The following GPC5 variants were observed in gnomAD, a reference collection of about 807,000 sequenced individuals.
GPC5 encodes glypican-5.
Under a neutral mutation model 53.9 loss-of-function variants are expected in GPC5, and 47 were observed. That is an observed-to-expected ratio of 0.87 (90% CI 0.69 to 1.11). The LOEUF (loss-of-function observed/expected upper bound fraction) is 1.11. GPC5 is among the 50% of genes most tolerant of loss of function. GPC5 has a pLI of 0.00. For missense variants in GPC5, 748 were observed against 713.1 expected, an observed-to-expected ratio of 1.05 and a Z score of -0.56; for synonymous variants, 286 against 263.3, an observed-to-expected ratio of 1.09 and a Z score of -0.84.
chr13:92,206,455 G>A (rs2042338272), intron 7 of GPC5, among the ~76,000 whole-genome samples: 2 of 151,366 alleles, frequency 1.3e-5, no homozygotes, highest in African/African-American at 2.4e-5. Flanking sequence ...CCCAAAGTGC[G>A]GTGGCTGGAA....
chr13:92,682,840 A>T (rs1887149416), intron 7 of GPC5, among the ~76,000 whole-genome samples: 1 of 152,232 alleles, frequency 6.6e-6, no homozygotes, highest in African/African-American at 2.4e-5. Flanking sequence ...TATAAACTGA[A>T]TGGAAAACAC....
At chr13:91,840,338 T>C (rs953034880) in intron 5 of GPC5, among the ~76,000 whole-genome samples, 1 of 152,146 alleles carries the variant, frequency 6.6e-6, no homozygotes, top group Non-Finnish European at 1.5e-5. Context: ...ACATAGGAGA[T>C]ACTCAATAAC....
intron 2 of GPC5, among the ~76,000 whole-genome samples, chr13:91,535,694 C>T (rs1047926511): frequency 4.6e-5 from 7 of 151,980 alleles, no homozygotes; most frequent in African/African-American, 9.7e-5. Context: ...AAAAAATGGA[C>T]GTGTCTCACC....
intron 7 of GPC5, among the ~76,000 whole-genome samples, chr13:92,410,754 A>G (rs765459782): frequency 4.6e-5 from 7 of 152,234 alleles, no homozygotes; most frequent in Non-Finnish European, 7.3e-5. Context: ...CTCCTCAAGC[A>G]TGCAACTCTA....
intron 1 of GPC5, among the ~76,000 whole-genome samples, chr13:91,435,637 T>A (rs1879878440): frequency 6.6e-6 from 1 of 152,136 alleles, no homozygotes; most frequent in South Asian, 2.1e-4. Flanking sequence ...GGATATTGGT[T>A]CTAAAATTCT....
chr13:91,940,766 T>C (rs867912472), intron 6 of GPC5, among the ~76,000 whole-genome samples: 2 of 152,130 alleles, frequency 1.3e-5, no homozygotes, highest in South Asian at 2.1e-4. Flanking sequence ...CATTTTTTCA[T>C]GTGTTTATTG....
intron 5 of GPC5, among the ~76,000 whole-genome samples, chr13:91,792,804 T>C (rs1367600206): frequency 6.6e-6 from 1 of 152,206 alleles, no homozygotes; most frequent in Non-Finnish European, 1.5e-5. Flanking sequence ...CTGTATAAAA[T>C]GCATGTGGTT....
intron 6 of GPC5, among the ~76,000 whole-genome samples, chr13:92,131,868 A>G (rs987989513): frequency 6.6e-6 from 1 of 152,082 alleles, no homozygotes; most frequent in Non-Finnish European, 1.5e-5. Context: ...AAGAAAAATA[A>G]GTAGATTAAT....
At chr13:92,646,191 G>A (rs1885759608) in intron 7 of GPC5, among the ~76,000 whole-genome samples, 1 of 152,016 alleles carries the variant, frequency 6.6e-6, no homozygotes, top group Non-Finnish European at 1.5e-5. Flanking sequence ...TATTTCAACT[G>A]AATATTTTTA....
At chr13:92,632,593 A>C (rs1885284788) in intron 7 of GPC5, among the ~76,000 whole-genome samples, 1 of 151,652 alleles carries the variant, frequency 6.6e-6, no homozygotes. Flanking sequence ...TGCACTAAGA[A>C]AATATGTAAT....
chr13:91,566,436 C>T (rs545147627), intron 2 of GPC5, among the ~76,000 whole-genome samples: 17 of 152,072 alleles, frequency 1.1e-4, no homozygotes, highest in African/African-American at 2.2e-4. Flanking sequence ...TGGTGGTGCA[C>T]GCCAGTAGTA....
chr13:92,679,791 G>C (rs1887058993), intron 7 of GPC5, among the ~76,000 whole-genome samples: 1 of 151,946 alleles, frequency 6.6e-6, no homozygotes, highest in Non-Finnish European at 1.5e-5. Flanking sequence ...TACATGAATT[G>C]CTCTGTGAAA....
intron 1 of GPC5, among the ~76,000 whole-genome samples, chr13:91,431,739 G>A (rs1005285073): frequency 2.0e-5 from 3 of 152,214 alleles, no homozygotes; most frequent in African/African-American, 7.2e-5. Flanking sequence ...CATGGACGGG[G>A]ATGTTGAGAG....
intron 5 of GPC5, among the ~76,000 whole-genome samples, chr13:91,762,783 C>T (rs868690154): frequency 3.9e-5 from 6 of 152,092 alleles, no homozygotes; most frequent in South Asian, 2.1e-4. Context: ...GAAATGCCCA[C>T]AATTAACTGA....
At chr13:91,729,188 G>A (rs1314870579) in intron 4 of GPC5, among the ~76,000 whole-genome samples, 2 of 152,138 alleles carry the variant, frequency 1.3e-5, no homozygotes, top group South Asian at 2.1e-4. Context: ...TGCTAGAAAT[G>A]GTTATCTGTT....
intron 7 of GPC5, among the ~76,000 whole-genome samples, chr13:92,165,548 G>A (rs2042021133): frequency 2.0e-5 from 3 of 152,232 alleles, no homozygotes; most frequent in African/African-American, 7.2e-5. Context: ...GGAGGGAAAA[G>A]CCCCTCACAA....
At chr13:91,657,587 T>A (rs1040725790) in intron 2 of GPC5, among the ~76,000 whole-genome samples, 10 of 152,076 alleles carry the variant, frequency 6.6e-5, no homozygotes, top group Non-Finnish European at 1.5e-4. Flanking sequence ...ACATGGATAT[T>A]GAGAGACCCT....
intron 7 of GPC5, among the ~76,000 whole-genome samples, chr13:92,290,910 G>A (rs1311601717): frequency 6.6e-6 from 1 of 152,130 alleles, no homozygotes; most frequent in Non-Finnish European, 1.5e-5. Context: ...GCGGAAACCG[G>A]GGCTGCGCAC....
At chr13:91,808,984 A>G (rs1015660881) in intron 5 of GPC5, among the ~76,000 whole-genome samples, 3 of 152,160 alleles carry the variant, frequency 2.0e-5, no homozygotes, top group African/African-American at 7.2e-5. Context: ...AGATAAATAA[A>G]TTGAAAGCAA....
Sources: allele counts gnomAD v4.1 joint callset (sites outside exome capture counted in the v4.1 genomes callset), GRCh38; gene constraint gnomAD v4.1.1; transcripts MANE v1.5; gene names NCBI Gene and HGNC (gene_info 2026-07-23, HGNC 2026-07-21).